The following ARHGAP44 variants were observed in gnomAD, a reference collection of about 807,000 sequenced individuals.
ARHGAP44 encodes the protein Rho GTPase activating protein 44, also known as rho GTPase-activating protein 44.
A neutral mutation model predicts 106.8 loss-of-function variants in ARHGAP44; 43 were observed. That is an observed-to-expected ratio of 0.40 (90% confidence interval 0.32 to 0.52). The LOEUF (loss-of-function observed/expected upper bound fraction) is 0.52, where lower values mean the gene tolerates loss of function less well. Ranked by LOEUF, ARHGAP44 falls within the 20% of genes least tolerant of loss-of-function variation. ARHGAP44 has a pLI of 0.48. For missense variants in ARHGAP44, 866 were observed against 1,050.5 expected (o/e 0.82, Z 2.43); for synonymous variants, 439 against 410.3 (o/e 1.07, Z -0.85).
intron 9 of ARHGAP44, 45 bp from the exon 10 acceptor site, chr17:12,944,024 A>G (rs1487657732): frequency 1.9e-6 from 3 of 1,547,676 alleles, no homozygotes; most frequent in Middle Eastern, 1.7e-4. Context: ...AGCATGAGTG[A>G]ACTTGGCGAA....
intron 1 of ARHGAP44, among the ~76,000 whole-genome samples, chr17:12,827,903 G>A (rs767663527): frequency 2.6e-5 from 4 of 151,828 alleles, no homozygotes; most frequent in African/African-American, 9.7e-5. Context: ...GCCAGGTGTG[G>A]TGGTGCACGC....
intron 1 of ARHGAP44, among the ~76,000 whole-genome samples, chr17:12,882,945 C>A (rs991884394): frequency 2.6e-5 from 4 of 151,728 alleles, no homozygotes; most frequent in Non-Finnish European, 4.4e-5. Flanking sequence ...CTATTTTTTT[C>A]ATAATAGTAT....
At chr17:12,941,553 A>G (rs563340358) in intron 8 of ARHGAP44, among the ~76,000 whole-genome samples, 14 of 152,346 alleles carry the variant, frequency 9.2e-5, no homozygotes, top group Non-Finnish European at 1.9e-4. Flanking sequence ...TAGGGCTGAC[A>G]TTAAGAAACT....
chr17:12,854,655 T>C (rs1435575754), intron 1 of ARHGAP44, among the ~76,000 whole-genome samples: 1 of 152,132 alleles, frequency 6.6e-6, no homozygotes, highest in Non-Finnish European at 1.5e-5. Context: ...GAACCCGTTA[T>C]GCCAAAAAGA....
chr17:12,923,310 A>G (rs1399810009), intron 6 of ARHGAP44, among the ~76,000 whole-genome samples: 2 of 151,994 alleles, frequency 1.3e-5, no homozygotes, highest in East Asian at 3.9e-4. Context: ...TCCCAGGTTC[A>G]AGCGATTCTC....
chr17:12,936,128 C>A (rs545928324), intron 7 of ARHGAP44, among the ~76,000 whole-genome samples: 1 of 152,262 alleles, frequency 6.6e-6, no homozygotes, highest in South Asian at 2.1e-4. Flanking sequence ...CACAAACATA[C>A]AACCTCCCCC....
intron 20 of ARHGAP44, chr17:12,987,967 C>T (rs3744344): frequency 0.28 from 43,158 of 152,146 alleles, 6,212 homozygotes; most frequent in South Asian, 0.34. Flanking sequence ...GTGGCCAAAG[C>T]AAACCAGGTC....
At chr17:12,909,856 C>A (rs1452614974) in intron 4 of ARHGAP44, among the ~76,000 whole-genome samples, 1 of 151,528 alleles carries the variant, frequency 6.6e-6, no homozygotes. Context: ...TTGAGATCAA[C>A]AAGAAAAAAA....
intron 1 of ARHGAP44, among the ~76,000 whole-genome samples, chr17:12,821,806 A>G (rs2034777933): frequency 6.6e-6 from 1 of 152,232 alleles, no homozygotes; most frequent in African/African-American, 2.4e-5. Context: ...TTGCTTATTA[A>G]AAAAACAACA....
chr17:12,924,544 T>C lies in ARHGAP44; in HGVS notation c.465-4385T>C, dbSNP rs150542443. Among the ~76,000 whole-genome samples, 8 of 152,310 alleles carry C rather than the reference T, an allele frequency of 5.3e-5. No individual in the cohort carries two copies. In the East Asian group the frequency reaches 1.5e-3, roughly 29 times the overall value. ...CACATTCCATTTCTGCCGAACCAGC[T>C]GCCTCTGGGTCCTAGGGACTGAATG... On this transcript the variant is annotated intron_variant, in intron 6 of 20. Transcript: ENST00000379672.
chr17:12,903,140 AGTGTGTGTGTGTGTGTGTGTGTGTGTGT>A (rs546197652), intron 3 of ARHGAP44, among the ~76,000 whole-genome samples: 1 of 57,574 alleles, frequency 1.7e-5, no homozygotes, highest in Admixed American at 2.5e-4. Flanking sequence ...AGAGAGAGAG[AGTGTGTGTGTGTGTGTGTGTGTGTGTGT>A]GTGTGTGTGT....
chr17:12,890,500 G>A (rs1266361226), intron 1 of ARHGAP44, among the ~76,000 whole-genome samples: 2 of 152,152 alleles, frequency 1.3e-5, no homozygotes, highest in African/African-American at 4.8e-5. Context: ...AGGGAACAGA[G>A]TCCTTGGGCA....
chr17:12,943,658 A>C lies in ARHGAP44; in HGVS notation c.722A>C (p.Lys241Thr). 1 of 1,613,816 alleles carries C rather than the reference A, an allele frequency of 6.2e-7. No homozygotes were observed. The highest frequency in any genetic ancestry group is 1.1e-5 in the South Asian group (1 of 91,064). The change falls in exon 9 of 21, where the codon AAA becomes ACA. Residue 241 changes from lysine (K) to threonine (T), a missense_variant. Around this residue, in one of 2 missense-constraint regions of ARHGAP44, gnomAD observed 448 missense variants for 646.9 expected, o/e 0.69. Coordinates refer to ENST00000379672, the MANE Select transcript of ARHGAP44 (RefSeq NM_014859.6). The part of the protein sequence containing the change: ...TLLQAVLPQI[K>T]AQQEAWVEKP... ...TTGCAGGCTGTATTGCCTCAGATCA[A>C]AGCACAACAGGGTAAGTGCAGGCCT...
rs2035208346 is a variant in ARHGAP44 at position 12,835,414 on chromosome 17, C to T, written c.53+45523C>T. On this transcript the variant is annotated intron_variant, in intron 1 of 20. Transcript: ENST00000379672. ...TTGATAAAAGGCAGAAGAGATAAAT[C>T]AATACCGTAGGCATGATGATAAAAG... Among the ~76,000 whole-genome samples, 4 of 152,070 alleles carry T rather than the reference C, an allele frequency of 2.6e-5. No homozygotes were observed. The South Asian group carries it at 8.3e-4, about 32-fold the overall frequency.
Position 12,990,330 on chromosome 17 carries a change from C to A in ARHGAP44, c.*159C>A. 1.1e-6 allele frequency: 1 copy of A among 943,504 alleles called. No homozygotes were observed. Among genetic ancestry groups the A allele is most frequent in the Non-Finnish European group, 1.5e-6 (1 of 647,282 alleles). The allele number at this position is 943,504 out of a possible 1,614,324, so 58.4% of individuals were successfully genotyped here. ...TTGGCAGAAAATTGTGATCTCCAGT[C>A]CGTGTGGTGATGCTGGTGGTGCAGG... is the stretch of plus-strand genomic sequence containing the variant. On this transcript the variant is annotated 3_prime_UTR_variant, in exon 21 of 21. Transcript: ENST00000379672.
intron 1 of ARHGAP44, among the ~76,000 whole-genome samples, chr17:12,829,647 T>A (rs561743621): frequency 7.8e-4 from 119 of 152,308 alleles, no homozygotes; most frequent in African/African-American, 2.7e-3. Flanking sequence ...CGTATTGACA[T>A]AATCACACCA....
intron 4 of ARHGAP44, among the ~76,000 whole-genome samples, chr17:12,909,450 TAAAA>T (rs1204922855): frequency 6.6e-6 from 1 of 151,980 alleles, no homozygotes; most frequent in Non-Finnish European, 1.5e-5. Context: ...ATTTTAAAAT[TAAAA>T]AACAGAATCC....
At chr17:12,814,614 G>A (rs533939370) in intron 1 of ARHGAP44, among the ~76,000 whole-genome samples, 3 of 152,096 alleles carry the variant, frequency 2.0e-5, no homozygotes, top group African/African-American at 4.8e-5. Context: ...AGAGGCCACC[G>A]TGAAAGACAA....
intron 3 of ARHGAP44, among the ~76,000 whole-genome samples, chr17:12,904,400 C>T (rs963684104): frequency 3.3e-5 from 5 of 152,128 alleles, no homozygotes; most frequent in Admixed American, 3.3e-4. Context: ...GCCACGGTGC[C>T]CGGCCAATTT....
Sources: allele counts gnomAD v4.1 joint callset (sites outside exome capture counted in the v4.1 genomes callset), GRCh38; gene constraint gnomAD v4.1.1; regional missense constraint gnomAD v4.1.1; transcripts MANE v1.5; gene names NCBI Gene and HGNC (gene_info 2026-07-23, HGNC 2026-07-21).